The following PLEKHG2 variants were observed in gnomAD, a reference collection of about 807,000 sequenced individuals.
PLEKHG2 encodes pleckstrin homology and RhoGEF domain containing G2, also known as pleckstrin homology domain-containing family G member 2.
A neutral mutation model predicts 104.4 loss-of-function variants in PLEKHG2; 71 were observed. The ratio of observed to expected loss-of-function variants is 0.68; its 90% CI spans 0.56 to 0.83. The LOEUF is 0.83. PLEKHG2 is among the 40% of genes least tolerant of loss of function. The pLI is 0.00. For synonymous variants in PLEKHG2, 728 were observed against 737.0 expected (o/e 0.99, Z 0.20); for missense variants, 1,730 against 1,809.4 (o/e 0.96, Z 0.80).
Position 39,413,148 on chromosome 19 carries a change from GC to G in PLEKHG2, c.-284del, listed in dbSNP as rs1479465559. 6.6e-6 allele frequency: 1 copy of G among 152,222 alleles called. No homozygotes were observed. The highest frequency in any genetic ancestry group is 2.4e-5 in the African/African-American group (1 of 41,404). The allele number at this position is 152,222 out of a possible 1,614,324, so 9.4% of individuals were successfully genotyped here. ...TCAGAAATCCATCCCCCACCCCACG[GC>G]CCTACCTAGAAGACTTAGGAATGTG... On this transcript the variant is annotated 5_prime_UTR_variant, in exon 1 of 19. Transcript: ENST00000425673. The surrounding 1 kb of genome is among the most constrained non-coding windows in gnomAD (Gnocchi z 4.5).
At chr19:39,422,088 G>C in intron 16 of PLEKHG2, 27 bp from the exon 17 acceptor site, 1 of 1,589,462 alleles carries the variant, frequency 6.3e-7, no homozygotes, top group African/African-American at 1.4e-5. Flanking sequence ...CTTGGCTCTT[G>C]CCTTCCATTG....
At chr19:39,419,721 C>A (rs1568394556) in intron 11 of PLEKHG2, among the ~76,000 whole-genome samples, 2 of 151,822 alleles carry the variant, frequency 1.3e-5, no homozygotes, top group African/African-American at 2.4e-5. Flanking sequence ...ACCAAAAATA[C>A]AAAAAATTAG....
chr19:39,421,864 A>G (rs1027474290), intron 16 of PLEKHG2: 2 of 330,864 alleles, frequency 6.0e-6, no homozygotes, highest in African/African-American at 4.3e-5. Flanking sequence ...TAAAAATACA[A>G]AAATTAGCTG....
rs2078692010 is a variant in PLEKHG2, at chr19:39,421,061, TGTCC to T, written c.1448-13_1448-10del. On this transcript the variant is annotated splice_polypyrimidine_tract_variant and intron_variant, in intron 14 of 18. Coordinates refer to ENST00000425673, the MANE Select transcript of PLEKHG2 (RefSeq NM_022835.3). ...GGGAGCTGGGCTCCTGACATCACTG[TGTCC>T]TCCCCGCAGAGCCGGTGAAGGACCC... 1.2e-6 allele frequency: 2 copies of T among 1,613,882 alleles called. No homozygotes were observed. Among genetic ancestry groups the T allele is most frequent in the African/African-American group, 1.3e-5 (1 of 74,902 alleles).
At chr19:39,420,542 T>A in intron 11 of PLEKHG2, 84 bp from the exon 12 acceptor site, 1 of 1,574,304 alleles carries the variant, frequency 6.4e-7, no homozygotes, top group Admixed American at 1.7e-5. Flanking sequence ...CACCCATTAA[T>A]GGGCATGACT....
chr19:39,421,091 T>C lies in PLEKHG2; in HGVS notation c.1464T>C (p.Pro488=). 4 of 1,614,078 alleles carry C rather than the reference T, an allele frequency of 2.5e-6. No individual in the cohort carries two copies. The South Asian group carries it at 3.3e-5, about 13-fold the overall frequency. The part of the protein sequence containing the change: ...GRRQSEPVKD[P]YVMFPQNAKP... ...TCCCCGCAGAGCCGGTGAAGGACCC[T>C]TATGTCATGTTCCCACAGAACGGTC... is the stretch of plus-strand genomic sequence containing the variant. The change falls in exon 15 of 19, where the codon CCT becomes CCC. Residue 488 remains proline, a synonymous_variant. Coordinates refer to ENST00000425673, the MANE Select transcript of PLEKHG2 (RefSeq NM_022835.3).
rs947583751 is a variant in PLEKHG2 at position 39,413,886 on chromosome 19, C to A, written c.-22-179C>A. The A allele has an allele frequency of 8.3e-6, 4 of 484,524 alleles. No individual in the cohort carries two copies. Among genetic ancestry groups the A allele is most frequent in the African/African-American group, 5.9e-5 (3 of 51,154 alleles). The allele number at this position is 484,524 out of a possible 1,614,324, so 30.0% of individuals were successfully genotyped here. On this transcript the variant is annotated intron_variant, in intron 1 of 18. Transcript: ENST00000425673. The surrounding 1 kb of genome is among the most constrained non-coding windows in gnomAD (Gnocchi z 4.5). The stretch of plus-strand genomic sequence containing the variant: ...TTTGTCTCAGCCTTTCCATCTTTTT[C>A]GCCAGGTTCTCTCTCCTTGTCCCCT...
intron 2 of PLEKHG2, 108 bp downstream of exon 2, chr19:39,414,303 G>A (rs1404042611): frequency 3.4e-6 from 4 of 1,173,512 alleles, no homozygotes; most frequent in Admixed American, 2.1e-5. Context: ...ACAAAGCTCC[G>A]AGTCTGGTGG....
rs1298592923 is a variant in PLEKHG2, at chr19:39,427,759, T to G, written c.*2465T>G. ...CACTGTCCTCATTACATTCCTAATA[T>G]GCAAGTGAGCATGTTTTTTAATCCT... is the stretch of plus-strand genomic sequence containing the variant. On this transcript the variant is annotated 3_prime_UTR_variant, in exon 19 of 19. Transcript: ENST00000425673. 1 of 152,566 alleles carries G rather than the reference T, an allele frequency of 6.6e-6. No individual in the cohort carries two copies. The highest frequency in any genetic ancestry group is 1.5e-5 in the Non-Finnish European group (1 of 68,046). The allele number at this position is 152,566 out of a possible 1,614,324, so 9.5% of individuals were successfully genotyped here.
At chr19:39,414,008 C>G (rs2145975081) in intron 1 of PLEKHG2, 57 bp from the exon 2 acceptor site, 1 of 1,236,690 alleles carries the variant, frequency 8.1e-7, no homozygotes, top group Admixed American at 2.2e-5. Context: ...ATCTGTGAGT[C>G]TGGGCGGCGG....
chr19:39,421,162 G>C, intron 15 of PLEKHG2, 49 bp downstream of exon 15: 1 of 1,613,234 alleles, frequency 6.2e-7, no homozygotes. Context: ...CTGTCGCCCG[G>C]TGGGATGTCT....
chr19:39,417,096 G>T (rs1020049207), intron 7 of PLEKHG2, 96 bp downstream of exon 7: 3 of 1,393,502 alleles, frequency 2.2e-6, no homozygotes, highest in African/African-American at 2.9e-5. Context: ...CCACGAGTTG[G>T]GCAAGGCCTC....
chr19:39,422,698 A>G (rs370389142), intron 17 of PLEKHG2, 34 bp from the exon 18 acceptor site: 17 of 1,507,620 alleles, frequency 1.1e-5, no homozygotes, highest in African/African-American at 2.8e-5. Flanking sequence ...TACCATGCTG[A>G]TATGTTTGGC....
chr19:39,418,196 G>A, intron 9 of PLEKHG2, 91 bp downstream of exon 9: 1 of 1,145,788 alleles, frequency 8.7e-7, no homozygotes, highest in Non-Finnish European at 1.1e-6. Flanking sequence ...TGGGCCAGGG[G>A]ACCCTGCCAC....
Position 39,425,500 on chromosome 19 carries a change from C to A in PLEKHG2, c.*206C>A. On this transcript the variant is annotated 3_prime_UTR_variant, in exon 19 of 19. Transcript: ENST00000425673. The stretch of plus-strand genomic sequence containing the variant: ...GAATGTCATTAATGTTTTGTTAATA[C>A]TGATTCTTTCATGCAATGATGTGTA... The A allele has an allele frequency of 1.3e-6, 1 of 785,872 alleles. No individual in the cohort carries two copies. The highest frequency in any genetic ancestry group is 1.8e-6 in the Non-Finnish European group (1 of 541,528). 48.7% of individuals were successfully genotyped at this position (785,872 alleles called of 1,614,324 possible). A position where few individuals can be genotyped will look rare whatever the true frequency, so the allele number is the denominator to read the frequency against.
chr19:39,422,656 T>G, intron 17 of PLEKHG2, 76 bp from the exon 18 acceptor site: 1 of 1,472,918 alleles, frequency 6.8e-7, no homozygotes, highest in East Asian at 2.4e-5. Flanking sequence ...CCCAAAGTGC[T>G]GGGATTACAG....
At position 39,416,851 on chromosome 19, in the gene PLEKHG2, T is replaced by A; in HGVS notation, c.595T>A (p.Ser199Thr). 6.2e-7 allele frequency: 1 copy of A among 1,601,206 alleles called. No homozygotes were observed. The highest frequency in any genetic ancestry group is 8.5e-7 in the Non-Finnish European group (1 of 1,174,586). ...YTLYCMNYPS[S>T]LALLRELSLS... ...CACTGACCTGTGCTGTGCCCCCAGC[T>A]CCCTGGCCCTGCTCCGGGAGCTGTC... Residue 199 changes from serine (S) to threonine (T), a missense_variant and splice_region_variant, in exon 7 of 19, where the codon TCC (serine) becomes ACC (threonine). Transcript: ENST00000425673. The surrounding 1 kb of genome is among the most constrained non-coding windows in gnomAD (Gnocchi z 4.5).
intron 2 of PLEKHG2, among the ~76,000 whole-genome samples, chr19:39,414,595 G>GT (rs1447609639): frequency 2.0e-5 from 3 of 152,214 alleles, no homozygotes; most frequent in African/African-American, 7.2e-5. Flanking sequence ...CATCCAGAGT[G>GT]TAAGAAGAGG....
At chr19:39,420,415 C>T (rs2078680458) in intron 11 of PLEKHG2, among the ~76,000 whole-genome samples, 1 of 151,976 alleles carries the variant, frequency 6.6e-6, no homozygotes, top group Non-Finnish European at 1.5e-5. Flanking sequence ...ATCCCAGCTA[C>T]TCAGGAGGGT....
Sources: gnomAD v4.1 joint callset for allele counts (sites outside exome capture counted in the v4.1 genomes callset) on GRCh38, gnomAD v4.1.1 for gene constraint, Gnocchi (gnomAD v3.1) non-coding constraint, MANE v1.5 for transcripts, NCBI Gene and HGNC (gene_info 2026-07-23, HGNC 2026-07-21) for gene names.